LRRC37A2: variants seen among roughly 807,000 people sequenced by gnomAD.
LRRC37A2 encodes leucine-rich repeat-containing protein 37A2.
A neutral mutation model predicts 68.8 loss-of-function variants in LRRC37A2; 9 were observed. The observed-to-expected ratio is 0.13, with a 90% CI of 0.08 to 0.23. LRRC37A2 has a LOEUF of 0.23. Among genes scored for constraint, LRRC37A2 ranks in the 10% least tolerant of loss-of-function variants. The pLI, the probability that LRRC37A2 is intolerant of heterozygous loss-of-function variation, is 1.00. For synonymous variants in LRRC37A2, 63 were observed against 367.6 expected, an observed-to-expected ratio of 0.17 and a Z score of 9.48; for missense variants, 168 against 950.4, an observed-to-expected ratio of 0.18 and a Z score of 10.82.
At chr17:46,800,323 C>G in the LRRC37A2 span, among the ~76,000 whole-genome samples, 8 of 152,136 alleles carry the variant, frequency 5.3e-5, no homozygotes, top group Admixed American at 1.3e-4. Flanking sequence ...GTTGGTCAGG[C>G]TGGTCTAGAA....
At chr17:46,852,979 T>C in the LRRC37A2 span, among the ~76,000 whole-genome samples, 29,847 of 152,056 alleles carry the variant, frequency 0.2, 3,598 homozygotes, top group East Asian at 0.5. Context: ...TTGCTAATGA[T>C]ATGGGAAGAC....
chr17:46,773,732 G>A, the LRRC37A2 span: 153 of 1,612,968 alleles, frequency 9.5e-5, no homozygotes, highest in South Asian at 1.4e-3. Flanking sequence ...TCCAGCGGCG[G>A]CCCCGGAACT....
the LRRC37A2 span, chr17:46,830,743 G>A: frequency 7.5e-6 from 3 of 398,598 alleles, no homozygotes; most frequent in Admixed American, 1.3e-4. Flanking sequence ...GAGGGCCACG[G>A]GTGTTCTAGA....
At chr17:46,776,014 A>G in the LRRC37A2 span, among the ~76,000 whole-genome samples, 1 of 152,166 alleles carries the variant, frequency 6.6e-6, no homozygotes, top group Non-Finnish European at 1.5e-5. Flanking sequence ...TTAATCCTCA[A>G]AATAGCCCCA....
the LRRC37A2 span, among the ~76,000 whole-genome samples, chr17:46,989,703 A>G: frequency 6.6e-6 from 1 of 152,246 alleles, no homozygotes; most frequent in African/African-American, 2.4e-5. Flanking sequence ...GCGTAATGTA[A>G]GCAGAGGCTT....
chr17:46,988,859 A>G, the LRRC37A2 span, among the ~76,000 whole-genome samples: 106,420 of 152,064 alleles, frequency 0.7, 37,869 homozygotes, highest in Middle Eastern at 0.78. Context: ...AGGGAATCAC[A>G]GTGAAAGCCA....
chr17:46,906,753 C>T, the LRRC37A2 span, among the ~76,000 whole-genome samples: 1 of 151,970 alleles, frequency 6.6e-6, no homozygotes, highest in African/African-American at 2.4e-5. Flanking sequence ...AAGCAACTTA[C>T]CCAAGATCAC....
chr17:46,694,285 G>C, the LRRC37A2 span, among the ~76,000 whole-genome samples: 1 of 138,666 alleles, frequency 7.2e-6, no homozygotes, highest in Non-Finnish European at 1.5e-5. Flanking sequence ...TACTCGGAAG[G>C]CTGAGATAGG....
the LRRC37A2 span, among the ~76,000 whole-genome samples, chr17:46,986,795 T>C: frequency 6.6e-6 from 1 of 152,212 alleles, no homozygotes; most frequent in Admixed American, 6.5e-5. Context: ...ACAGTGATCC[T>C]GGCCACTTTC....
At chr17:46,715,377 C>G in the LRRC37A2 span, among the ~76,000 whole-genome samples, 4 of 152,152 alleles carry the variant, frequency 2.6e-5, no homozygotes, top group Admixed American at 2.6e-4. Context: ...AACCCTTAAC[C>G]CACTTCTTCT....
chr17:46,551,368 T>G (rs2056799399), intron 11 of LRRC37A2, among the ~76,000 whole-genome samples: 1 of 150,640 alleles, frequency 6.6e-6, no homozygotes, highest in African/African-American at 2.5e-5. Flanking sequence ...ACCTTGACGC[T>G]ATGCCACCAG....
At chr17:46,874,139 G>A in the LRRC37A2 span, among the ~76,000 whole-genome samples, 2 of 152,140 alleles carry the variant, frequency 1.3e-5, no homozygotes, top group Non-Finnish European at 2.9e-5. Flanking sequence ...TGGAGGGCAG[G>A]CAGGAAGTAG....
the LRRC37A2 span, among the ~76,000 whole-genome samples, chr17:46,921,640 AAAAC>A: frequency 7.9e-5 from 12 of 152,236 alleles, no homozygotes; most frequent in Non-Finnish European, 1.6e-4. Context: ...TTACAAGAAA[AAAAC>A]AAACAACCCC....
the LRRC37A2 span, among the ~76,000 whole-genome samples, chr17:46,501,924 ATCCTGGT>A: frequency 6.6e-6 from 1 of 151,204 alleles, no homozygotes; most frequent in Non-Finnish European, 1.5e-5. Flanking sequence ...ACCCTCTTCA[ATCCTGGT>A]TCCACTTCCT....
the LRRC37A2 span, among the ~76,000 whole-genome samples, chr17:46,829,852 C>T: frequency 6.6e-6 from 1 of 152,100 alleles, no homozygotes; most frequent in Non-Finnish European, 1.5e-5. Flanking sequence ...CATCCTGGCT[C>T]CCTGCTGCTG....
the LRRC37A2 span, among the ~76,000 whole-genome samples, chr17:46,915,761 C>T: frequency 2.0e-5 from 3 of 152,240 alleles, no homozygotes; most frequent in African/African-American, 7.2e-5. Flanking sequence ...TGCCCTGAGG[C>T]GGTTCAGGGC....
chr17:46,769,690 C>A, the LRRC37A2 span: 2 of 1,544,548 alleles, frequency 1.3e-6, no homozygotes, highest in Admixed American at 1.8e-5. Flanking sequence ...ACCCACAGGG[C>A]TGCCGGAAGG....
chr17:46,764,585 A>C, the LRRC37A2 span: 1 of 152,290 alleles, frequency 6.6e-6, no homozygotes, highest in Admixed American at 6.5e-5. Context: ...ACTTCGCTGA[A>C]TCCGCCCAGC....
chr17:46,836,982 G>A, the LRRC37A2 span, among the ~76,000 whole-genome samples: 6 of 151,648 alleles, frequency 4.0e-5, no homozygotes, highest in East Asian at 1.9e-4. Flanking sequence ...TCGCTCTGTC[G>A]CCCAGGCTGT....
Sources: allele counts gnomAD v4.1 joint callset (sites outside exome capture counted in the v4.1 genomes callset), GRCh38; gene constraint gnomAD v4.1.1; transcripts MANE v1.5; gene names NCBI Gene and HGNC (gene_info 2026-07-23, HGNC 2026-07-21).